The following COPZ2 variants were observed in gnomAD, a reference collection of about 807,000 sequenced individuals.
The protein encoded by COPZ2 is coatomer subunit zeta-2.
Under a neutral mutation model 33.2 loss-of-function variants are expected in COPZ2, and 30 were observed. That is an observed-to-expected ratio of 0.90 (90% CI 0.68 to 1.23). The LOEUF (loss-of-function observed/expected upper bound fraction) is 1.23, where lower values mean the gene tolerates loss of function less well. Ranked by LOEUF, COPZ2 falls within the 50% of genes most tolerant of loss-of-function variation. The pLI is 0.00. For synonymous variants in COPZ2, 89 were observed against 102.6 expected (o/e 0.87, Z 0.80); for missense variants, 263 against 262.4 (o/e 1.00, Z -0.02).
At chr17:48,033,366 T>C (rs2036928479) in intron 3 of COPZ2, 64 bp from the exon 4 acceptor site, 5 of 899,976 alleles carry the variant, frequency 5.6e-6, no homozygotes, top group Non-Finnish European at 9.1e-6. Context: ...CCCCTCCTCC[T>C]CATGTATGAC....
upstream of COPZ2, among the ~76,000 whole-genome samples, chr17:48,038,746 G>T (rs944289979): frequency 1.3e-5 from 2 of 152,100 alleles, no homozygotes; most frequent in African/African-American, 4.8e-5. Flanking sequence ...TTCTCTTCAA[G>T]CCCTCTTATG....
rs759539918 is a variant in COPZ2, at chr17:48,033,239, T to C, written c.332A>G (p.Tyr111Cys). Residue 111 changes from tyrosine (Y) to cysteine (C), a missense_variant, in exon 4 of 9, where the codon TAC becomes TGC. Tyr to Cys is a radical substitution (Grantham distance 194, BLOSUM62 -2). Transcript: ENST00000621465. ...ATTCTCGTAGGATGAGCCCACCACG[T>C]ATAGGAAGAGGTCAATGCTGTTCTT... ...VYKNSIDLFL[Y>C]VVGSSYENEL... The C allele has an allele frequency of 6.2e-7, 1 of 1,613,044 alleles. No homozygotes were observed. Among genetic ancestry groups the C allele is most frequent in the Non-Finnish European group, 8.5e-7 (1 of 1,179,296 alleles).
At chr17:48,026,549 C>G in intron 8 of COPZ2, 74 bp from the exon 9 acceptor site, 1 of 1,114,766 alleles carries the variant, frequency 9.0e-7, no homozygotes, top group Non-Finnish European at 1.3e-6. Flanking sequence ...TGGGGAGGTC[C>G]ACAGCCCACC....
At position 48,026,546 on chromosome 17, in the gene COPZ2, G is replaced by T. The variant is rs573004008; in HGVS notation, c.586-71C>A. The T allele has an allele frequency of 5.2e-6, 6 of 1,161,508 alleles. No homozygotes were observed. The Admixed American group carries it at 1.1e-4, about 21-fold the overall frequency. The allele number at this position is 1,161,508 out of a possible 1,614,324, so 72.0% of individuals were successfully genotyped here. A position where few individuals can be genotyped will look rare whatever the true frequency, so the allele number is the denominator to read the frequency against. On this transcript the variant is annotated intron_variant, in intron 8 of 8. Coordinates refer to ENST00000621465, the MANE Select transcript of COPZ2 (RefSeq NM_016429.4). Reference sequence around the variant, plus strand: ...TGCCTCCATACACAGTCATGGGGAGGTCCACAGCCCACCTTGCCGAAGCGC... The same window carrying T: ...TGCCTCCATACACAGTCATGGGGAGTTCCACAGCCCACCTTGCCGAAGCGC...
In COPZ2 at chr17:48,033,896, T is replaced by C; in HGVS notation, c.235A>G (p.Lys79Glu). ...CGGCTGGTCTTGTTGAAGACATTTT[T>C]CTCGAAAACCATCTGCTCCTTCATG... ...PSMKEQMVFE[K>E]NVFNKTSRTE... The change falls in exon 3 of 9, where the codon AAA (lysine) becomes GAA (glutamate). Residue 79 changes from lysine to glutamate, a missense_variant. Physicochemically the swap from Lys to Glu is moderately conservative, Grantham distance 56. Coordinates refer to ENST00000621465, the MANE Select transcript of COPZ2 (RefSeq NM_016429.4). 1 of 1,612,074 alleles carries C rather than the reference T, an allele frequency of 6.2e-7. No individual in the cohort carries two copies.
chr17:48,038,003 T>TC (rs1437312670), upstream of COPZ2: 1 of 348,770 alleles, frequency 2.9e-6, no homozygotes, highest in Non-Finnish European at 3.9e-6. Flanking sequence ...GTCCCTTACA[T>TC]CCCCGAACTC....
upstream of COPZ2, among the ~76,000 whole-genome samples, chr17:48,041,082 G>A (rs1205892694): frequency 6.7e-6 from 1 of 150,112 alleles, no homozygotes; most frequent in Non-Finnish European, 1.5e-5. Flanking sequence ...CACCCAGGAG[G>A]CAGAGGCTGT....
intron 6 of COPZ2, 35 bp downstream of exon 6, chr17:48,032,121 C>T: frequency 6.3e-7 from 1 of 1,576,314 alleles, no homozygotes; most frequent in Admixed American, 1.7e-5. Context: ...CAAAGGCACT[C>T]CTGCTGTGAG....
the COPZ2 span, among the ~76,000 whole-genome samples, chr17:48,044,862 A>C: frequency 6.6e-6 from 1 of 152,250 alleles, no homozygotes; most frequent in Admixed American, 6.5e-5. Context: ...AGGAAATCTC[A>C]GGCAATCATC....
At position 48,032,171 on chromosome 17, in the gene COPZ2, T is replaced by G. The variant is rs749076221; in HGVS notation, c.479A>C (p.Glu160Ala). 6.2e-7 allele frequency: 1 copy of G among 1,613,300 alleles called. No individual in the cohort carries two copies. The highest frequency in any genetic ancestry group is 8.5e-7 in the Non-Finnish European group (1 of 1,179,674). Residue 160 changes from glutamate (E) to alanine (A), a missense_variant, in exon 6 of 9, where the codon GAG becomes GCG. Coordinates refer to ENST00000621465, the MANE Select transcript of COPZ2 (RefSeq NM_016429.4). ...NMDGAFLVLDEIVDGGVILES... is the reference protein window; with the variant it reads ...NMDGAFLVLDAIVDGGVILES... Reference sequence around the variant, plus strand: ...CCCTCCTCACCCGCCATCCACAATCTCGTCCAGCACCAAGAAGGCTCCGTC... The same window carrying G: ...CCCTCCTCACCCGCCATCCACAATCGCGTCCAGCACCAAGAAGGCTCCGTC...
chr17:48,037,814 G>T (rs990679533), upstream of COPZ2: 1 of 970,980 alleles, frequency 1.0e-6, no homozygotes, highest in African/African-American at 1.9e-5. This position sits in a 1 kb window ranked among gnomAD's most constrained non-coding sequence, Gnocchi z 5.6. Flanking sequence ...GCCGCCCGCC[G>T]CCTGCCCGCC....
Position 48,036,919 on chromosome 17 carries a change from C to G in COPZ2, c.118G>C (p.Glu40Gln), listed in dbSNP as rs570241677. 1.2e-6 allele frequency: 2 copies of G among 1,613,642 alleles called. No homozygotes were observed. The highest frequency in any genetic ancestry group is 8.5e-7 in the Non-Finnish European group (1 of 1,179,780). The change falls in exon 2 of 9, where the codon GAA becomes CAA. Residue 40 changes from glutamate (E) to glutamine (Q), a missense_variant. By Grantham distance (29) the Glu-to-Gln change is conservative. Transcript: ENST00000621465. ...AGEPSGLRLQ[E>Q]PSLYTIKAVF... ...GCCTTGATGGTGTAGAGGGAAGGTT[C>G]CTGCAACTGACACCGGAGAGGAGAG...
At chr17:48,045,371 C>A in the COPZ2 span, 1 of 152,232 alleles carries the variant, frequency 6.6e-6, no homozygotes. Context: ...GAGCCCCAGC[C>A]AGCCTGCCCT....
At position 48,034,009 on chromosome 17, in the gene COPZ2, G is replaced by A. The variant is rs1598262508; in HGVS notation, c.187-65C>T. On this transcript the variant is annotated intron_variant, in intron 2 of 8. Transcript: ENST00000621465. ...ACAGCCTGGATCCTCCCTAGATTGG[G>A]GGGCAGGAAAGAGTAGGCGCTGGGC... 6 of 1,228,062 alleles carry A rather than the reference G, an allele frequency of 4.9e-6. No individual in the cohort carries two copies. The South Asian group carries it at 6.5e-5, about 13-fold the overall frequency. The allele number at this position is 1,228,062 out of a possible 1,614,324, so 76.1% of individuals were successfully genotyped here.
intron 5 of COPZ2, 114 bp from the exon 6 acceptor site, chr17:48,032,347 A>C: frequency 1.1e-5 from 9 of 853,388 alleles, no homozygotes; most frequent in Non-Finnish European, 1.7e-5. Flanking sequence ...CTCACCAAAC[A>C]AGGACTGGGA....
rs1229988458 is a variant in COPZ2, at chr17:48,032,207, A to T, written c.443T>A (p.Leu148Gln). The T allele has an allele frequency of 6.2e-7, 1 of 1,613,388 alleles. No homozygotes were observed. Among genetic ancestry groups the T allele is most frequent in the Admixed American group, 1.7e-5 (1 of 59,956 alleles). The change falls in exon 6 of 9, where the codon CTG (leucine) becomes CAG (glutamine). Residue 148 changes from leucine to glutamine, a missense_variant. Transcript: ENST00000621465. ...CAAGAAGGCTCCGTCCATGTTCTCC[A>T]GCAACCAGCGCTTCTCCACGTTCTT... ...LRKNVEKRWLLENMDGAFLVL... is the reference protein window; with the variant it reads ...LRKNVEKRWLQENMDGAFLVL...
the COPZ2 span, chr17:48,047,163 T>C: frequency 6.6e-5 from 10 of 152,316 alleles, no homozygotes; most frequent in African/African-American, 2.2e-4. Flanking sequence ...ATTTACTGAG[T>C]TATCAGTTGG....
Position 48,036,864 on chromosome 17 carries a change from C to A in COPZ2, c.173G>T (p.Arg58Leu). ...GTCAGAGGTTACCTTGGCCAGCAGCCGGCGCCCGTCATTATCTAGGATGAA... is the reference window on the plus strand; with the variant it reads ...GTCAGAGGTTACCTTGGCCAGCAGCAGGCGCCCGTCATTATCTAGGATGAA... ...AVFILDNDGR[R>L]LLAKYYDDTF... The change falls in exon 2 of 9, where the codon CGG becomes CTG. Residue 58 changes from arginine to leucine, a missense_variant. Transcript: ENST00000621465. 1 of 1,613,362 alleles carries A rather than the reference C, an allele frequency of 6.2e-7. No homozygotes were observed. Among genetic ancestry groups the A allele is most frequent in the South Asian group, 1.1e-5 (1 of 91,036 alleles).
intron 6 of COPZ2, 33 bp downstream of exon 6, chr17:48,032,123 T>C (rs377704573): frequency 3.2e-6 from 5 of 1,576,318 alleles, no homozygotes; most frequent in African/African-American, 2.7e-5. Flanking sequence ...AAGGCACTCC[T>C]GCTGTGAGTG....
Sources: allele counts gnomAD v4.1 joint callset (sites outside exome capture counted in the v4.1 genomes callset), GRCh38; gene constraint gnomAD v4.1.1; non-coding constraint Gnocchi (gnomAD v3.1); transcripts MANE v1.5; gene names NCBI Gene and HGNC (gene_info 2026-07-23, HGNC 2026-07-21).